NOP2: variants seen among roughly 807,000 people sequenced by gnomAD.
NOP2 encodes NOP2 nucleolar protein.
A neutral mutation model predicts 72.7 loss-of-function variants in NOP2; 7 were observed. The observed-to-expected ratio is 0.10, with a 90% confidence interval of 0.05 to 0.18. The LOEUF (loss-of-function observed/expected upper bound fraction) is 0.18, where lower values mean the gene tolerates loss of function less well. Ranked by LOEUF, NOP2 falls within the 10% of genes least tolerant of loss-of-function variation. The pLI, the probability that NOP2 is intolerant of heterozygous loss-of-function variation, is 1.00. For missense variants in NOP2, 954 were observed against 1,014.7 expected (o/e 0.94, Z 0.81); for synonymous variants, 387 against 388.0 (o/e 1.00, Z 0.03).
At chr12:6,564,363 GAAA>G (rs75465407) in intron 5 of NOP2, 4 of 147,434 alleles carry the variant, frequency 2.7e-5, no homozygotes, top group African/African-American at 1.1e-4. Context: ...TTTCCATTAA[GAAA>G]AAAAAAAAAC....
chr12:6,558,280 T>C (rs1038506779), intron 15 of NOP2: 2 of 271,864 alleles, frequency 7.4e-6, no homozygotes, highest in Non-Finnish European at 7.2e-6. Flanking sequence ...GGGTTTTTTT[T>C]TTCTTTTTTT....
At chr12:6,558,852 A>G (rs1181351319) in intron 15 of NOP2, among the ~76,000 whole-genome samples, 3 of 151,858 alleles carry the variant, frequency 2.0e-5, no homozygotes, top group African/African-American at 7.3e-5. Context: ...ATGAGCCATC[A>G]CCACACCTGG....
Position 6,560,576 on chromosome 12 carries a change from CA to C in NOP2, c.1438-8del. 6.3e-7 allele frequency: 1 copy of C among 1,596,746 alleles called. No homozygotes were observed. The highest frequency in any genetic ancestry group is 8.5e-7 in the Non-Finnish European group (1 of 1,169,618). The stretch of plus-strand genomic sequence containing the variant: ...GCAGGATGTCCTTCTCATCCTGTCC[CA>C]AAAAGAGACCCAAAGGCAGCCTCAG... On this transcript the variant is annotated splice_region_variant and splice_polypyrimidine_tract_variant and intron_variant, in intron 13 of 15. Transcript: ENST00000322166. The surrounding 1 kb of genome is among the most constrained non-coding windows in gnomAD (Gnocchi z 5.0).
chr12:6,560,383 AG>A lies in NOP2; in HGVS notation c.1561-58del. ...AAAAAGCAGAGCTGGAGCTGAAGGG[AG>A]CTCTAAGGGGCAAAGAGCCCCCCAG... On this transcript the variant is annotated intron_variant, in intron 14 of 15. Coordinates refer to ENST00000322166, the MANE Select transcript of NOP2 (RefSeq NM_001258308.2). The surrounding 1 kb of genome is among the most constrained non-coding windows in gnomAD (Gnocchi z 5.0). 1.2e-6 allele frequency: 2 copies of A among 1,603,182 alleles called. No homozygotes were observed. Among genetic ancestry groups the A allele is most frequent in the Non-Finnish European group, 1.7e-6 (2 of 1,172,478 alleles).
rs374007777 is a variant in NOP2 at position 6,561,866 on chromosome 12, T to C, written c.1066+18A>G. 22 of 1,610,070 alleles carry C rather than the reference T, an allele frequency of 1.4e-5. No individual in the cohort carries two copies. The highest frequency in any genetic ancestry group is 1.7e-4 in the Middle Eastern group (1 of 6,056). ...ACAGGGACAGAGGTAGAAGGGCTCTTGGGTGGGGGAGACTTACCAATGGGC... is the reference window on the plus strand; with the variant it reads ...ACAGGGACAGAGGTAGAAGGGCTCTCGGGTGGGGGAGACTTACCAATGGGC... On this transcript the variant is annotated intron_variant, in intron 10 of 15. Coordinates refer to ENST00000322166, the MANE Select transcript of NOP2 (RefSeq NM_001258308.2).
At position 6,561,042 on chromosome 12, in the gene NOP2, G is replaced by A; in HGVS notation, c.1236C>T (p.Ile412=). Residue 412 remains isoleucine, a synonymous_variant, in exon 12 of 16, where the codon ATC becomes ATT. Coordinates refer to ENST00000322166, the MANE Select transcript of NOP2 (RefSeq NM_001258308.2). The part of the protein sequence containing the change: ...MAQLMKNTGV[I]LANDANAERL... ...GCTCAGCATTGGCGTCATTGGCAAG[G>A]ATCACACCCGTGTTCTTCATCAGCT... is the stretch of plus-strand genomic sequence containing the variant. 6.2e-7 allele frequency: 1 copy of A among 1,614,006 alleles called. No homozygotes were observed. The highest frequency in any genetic ancestry group is 8.5e-7 in the Non-Finnish European group (1 of 1,179,900).
chr12:6,559,988 A>AGTAAGG, intron 15 of NOP2, 110 bp downstream of exon 15: 1 of 786,818 alleles, frequency 1.3e-6, no homozygotes, highest in Non-Finnish European at 2.1e-6. Flanking sequence ...CAAAGGCTGG[A>AGTAAGG]GTAAGGGATG....
intron 3 of NOP2, 76 bp downstream of exon 3, chr12:6,566,701 G>A (rs1220241252): frequency 1.3e-6 from 2 of 1,592,510 alleles, no homozygotes; most frequent in Non-Finnish European, 1.7e-6. Flanking sequence ...GGAAATGTGA[G>A]AGTCTAGAAT....
rs375578406 is a variant in NOP2, at chr12:6,559,264, G to A, written c.1789+834C>T. Among the ~76,000 whole-genome samples, 10 of 152,202 alleles carry A rather than the reference G, an allele frequency of 6.6e-5. No individual in the cohort carries two copies. In the East Asian group the frequency reaches 1.4e-3, roughly 21 times the overall value. On this transcript the variant is annotated intron_variant, in intron 15 of 15. Transcript: ENST00000322166. ...CTCCCGAGTAGCTGGGACTACAGGC[G>A]CCCACCACCAAGCTCAGCTAATTTT...
At position 6,557,218 on chromosome 12, in the gene NOP2, G is replaced by A. The variant is rs768924461; in HGVS notation, c.2214C>T (p.Ala738=). The change falls in exon 16 of 16, where the codon GCC becomes GCT. Residue 738 remains alanine (A), a synonymous_variant. Transcript: ENST00000322166. ...GATGATGGTCCTTAGGTTTCAGGGT[G>A]GCCTGAGTCTTGGATGGGGATAACA... The part of the protein sequence containing the change: ...PAVLSPSKTQ[A]TLKPKDHHQP... 5 of 1,613,902 alleles carry A rather than the reference G, an allele frequency of 3.1e-6. No homozygotes were observed. The highest frequency in any genetic ancestry group is 1.7e-5 in the Admixed American group (1 of 60,000).
Position 6,563,532 on chromosome 12 carries a change from C to T in NOP2, c.689-18G>A, listed in dbSNP as rs1483156710. On this transcript the variant is annotated intron_variant, in intron 7 of 15. Coordinates refer to ENST00000322166, the MANE Select transcript of NOP2 (RefSeq NM_001258308.2). Reference sequence around the variant, plus strand: ...CTGGGCATGTGGGCCTGTTAAGGAACTGTGTCATGATGTCCTAAGGCCTGG... The same window carrying T: ...CTGGGCATGTGGGCCTGTTAAGGAATTGTGTCATGATGTCCTAAGGCCTGG... 6.2e-7 allele frequency: 1 copy of T among 1,612,256 alleles called. No individual in the cohort carries two copies. The highest frequency in any genetic ancestry group is 8.5e-7 in the Non-Finnish European group (1 of 1,179,134).
At chr12:6,558,365 T>A (rs1481078850) in intron 15 of NOP2, among the ~76,000 whole-genome samples, 1 of 149,928 alleles carries the variant, frequency 6.7e-6, no homozygotes, top group Non-Finnish European at 1.5e-5. Context: ...CTCTGCCTCC[T>A]GGGTTCAAGC....
chr12:6,565,526 G>A (rs573574290), intron 5 of NOP2, among the ~76,000 whole-genome samples: 34 of 151,946 alleles, frequency 2.2e-4, no homozygotes, highest in Admixed American at 1.9e-3. Flanking sequence ...TTTTAGTAGG[G>A]ATGGGGTTTC....
In NOP2 at chr12:6,557,639, T is replaced by C; in HGVS notation, c.1793A>G (p.Asn598Ser). The C allele has an allele frequency of 6.2e-7, 1 of 1,606,552 alleles. No individual in the cohort carries two copies. Residue 598 changes from asparagine to serine, a missense_variant, in exon 16 of 16, where the codon AAT becomes AGT. Physicochemically the swap from Asn to Ser is conservative, Grantham distance 46. Transcript: ENST00000322166. ...ATTTGTAGGTGTGGCTGTTTCAGAATTTCCTGGGGTTAAAATTAAACAGAT... is the reference window on the plus strand; with the variant it reads ...ATTTGTAGGTGTGGCTGTTTCAGAACTTCCTGGGGTTAAAATTAAACAGAT... ...SNSIPQSQTG[N>S]SETATPTNVD...
intron 15 of NOP2, among the ~76,000 whole-genome samples, chr12:6,558,918 C>T (rs1257319273): frequency 3.3e-5 from 5 of 152,038 alleles, no homozygotes; most frequent in South Asian, 2.1e-4. Flanking sequence ...TGATGAAGTG[C>T]GGGATAATTA....
At chr12:6,562,134 G>A (rs1305309872) in intron 9 of NOP2, among the ~76,000 whole-genome samples, 163 bp from the exon 10 acceptor site, 1 of 151,936 alleles carries the variant, frequency 6.6e-6, no homozygotes, top group Non-Finnish European at 1.5e-5. Flanking sequence ...GGGACAACGG[G>A]CATGTACCAC....
chr12:6,563,082 T>C lies in NOP2; in HGVS notation c.977A>G (p.Gln326Arg), dbSNP rs1947689005. ...TGAGCCTCAAAGGCCACCCCTCACC[T>C]GTGCAAGGTCTCGGCGTCGGGTTTT... ...TLKTRRRDLA[Q>R]ALINRGVNLD... The change falls in exon 9 of 16, where the codon CAG (glutamine) becomes CGG (arginine). Residue 326 changes from glutamine to arginine, a missense_variant and splice_region_variant. By Grantham distance (43) the Gln-to-Arg change is conservative (BLOSUM62 1). Transcript: ENST00000322166. 6.3e-7 allele frequency: 1 copy of C among 1,581,170 alleles called. No individual in the cohort carries two copies. Among genetic ancestry groups the C allele is most frequent in the Non-Finnish European group, 8.6e-7 (1 of 1,163,570 alleles).
At position 6,557,151 on chromosome 12, in the gene NOP2, G is replaced by A. The variant is rs2534699; in HGVS notation, c.2281C>T (p.Pro761Ser). The stretch of plus-strand genomic sequence containing the variant: ...GCAGCTTTCTCAAAAGGCTGCTCTG[G>A]CAACTGCTGCTTCTCAACCCCCTTG... ...RAKGVEKQQL[P>S]EQPFEKAAFQ... Residue 761 changes from proline to serine, a missense_variant, in exon 16 of 16, where the codon CCA becomes TCA. By Grantham distance (74) the Pro-to-Ser change is moderately conservative (BLOSUM62 -1). This residue lies in a region of NOP2 where 269 missense variants were observed against 260.2 expected (regional missense o/e 1.03). Transcript: ENST00000322166. 1.9e-6 allele frequency: 3 copies of A among 1,613,992 alleles called. No individual in the cohort carries two copies. The East Asian group carries it at 6.7e-5, about 36-fold the overall frequency.
At chr12:6,563,562 C>G in intron 7 of NOP2, 48 bp from the exon 8 acceptor site, 1 of 1,608,978 alleles carries the variant, frequency 6.2e-7, no homozygotes. Context: ...GCCTGGAAAT[C>G]CCTCTCCCAA....
Sources: gnomAD v4.1 joint callset for allele counts (sites outside exome capture counted in the v4.1 genomes callset) on GRCh38, gnomAD v4.1.1 for gene constraint, gnomAD v4.1.1 regional missense constraint, Gnocchi (gnomAD v3.1) non-coding constraint, MANE v1.5 for transcripts, NCBI Gene and HGNC (gene_info 2026-07-23, HGNC 2026-07-21) for gene names.